Variants in LMNTD1 observed in about 807,000 individuals in gnomAD.
The protein encoded by LMNTD1 is lamin tail domain-containing protein 1.
LMNTD1 carries 35 observed loss-of-function variants against 50.9 expected under a neutral mutation model. The observed-to-expected ratio is 0.69, with a 90% CI of 0.53 to 0.91. The LOEUF (loss-of-function observed/expected upper bound fraction) is 0.91, where lower values mean the gene tolerates loss of function less well. Ranked by LOEUF, LMNTD1 falls within the 40% of genes least tolerant of loss-of-function variation. LMNTD1 has a pLI of 0.00. For synonymous variants in LMNTD1, 153 were observed against 161.9 expected (o/e 0.94, Z 0.42); for missense variants, 470 against 475.5 (o/e 0.99, Z 0.11).
At chr12:25,614,020 T>C (rs897363766) in intron 1 of LMNTD1, among the ~76,000 whole-genome samples, 6 of 149,574 alleles carry the variant, frequency 4.0e-5, no homozygotes, top group African/African-American at 1.5e-4. Flanking sequence ...AGGAAGAGAG[T>C]GGTTTCCAAA....
At chr12:25,595,573 C>T (rs1000752387) in intron 1 of LMNTD1, among the ~76,000 whole-genome samples, 6 of 152,030 alleles carry the variant, frequency 3.9e-5, no homozygotes, top group African/African-American at 1.4e-4. Flanking sequence ...TGGGATACAG[C>T]AAAGGCAGTG....
chr12:25,478,983 A>G (rs1280035378), intron 9 of LMNTD1, among the ~76,000 whole-genome samples: 2 of 152,064 alleles, frequency 1.3e-5, no homozygotes, highest in African/African-American at 4.8e-5. Flanking sequence ...ATTGACCTTA[A>G]TCACAGGGCA....
At chr12:25,633,045 A>C (rs1009913895) in intron 1 of LMNTD1, among the ~76,000 whole-genome samples, 2 of 46,106 alleles carry the variant, frequency 4.3e-5, no homozygotes, top group African/African-American at 8.0e-5. Flanking sequence ...AAAAAAAAAC[A>C]AACTTTAAAG....
intron 1 of LMNTD1, among the ~76,000 whole-genome samples, chr12:25,626,377 T>A (rs536459525): frequency 6.6e-6 from 1 of 152,166 alleles, no homozygotes; most frequent in Non-Finnish European, 1.5e-5. Flanking sequence ...TACATATATA[T>A]AATCCTTCAA....
intron 1 of LMNTD1, among the ~76,000 whole-genome samples, chr12:25,617,959 CGTT>C (rs1027949610): frequency 7.9e-5 from 12 of 152,144 alleles, no homozygotes; most frequent in African/African-American, 2.2e-4. Context: ...AGGTAGGTGT[CGTT>C]GTTGTCCCCA....
intron 1 of LMNTD1, among the ~76,000 whole-genome samples, chr12:25,565,341 T>C (rs1592029298): frequency 6.6e-6 from 1 of 152,144 alleles, no homozygotes; most frequent in East Asian, 1.9e-4. Flanking sequence ...TTTTTGTGTA[T>C]CCATTATCTG....
chr12:25,497,265 G>A (rs1939113248), intron 9 of LMNTD1, among the ~76,000 whole-genome samples: 1 of 152,106 alleles, frequency 6.6e-6, no homozygotes, highest in Non-Finnish European at 1.5e-5. Flanking sequence ...TTTGCAGCGA[G>A]GATGAGACCG....
At chr12:25,565,991 T>C (rs376269697) in intron 1 of LMNTD1, among the ~76,000 whole-genome samples, 3 of 152,322 alleles carry the variant, frequency 2.0e-5, no homozygotes, top group South Asian at 2.1e-4. Context: ...TTGTAGGTTA[T>C]TTCTTTTCTC....
chr12:25,496,575 G>A (rs1939076686), intron 9 of LMNTD1, among the ~76,000 whole-genome samples: 1 of 152,174 alleles, frequency 6.6e-6, no homozygotes, highest in African/African-American at 2.4e-5. Flanking sequence ...GTGTGGCCCA[G>A]CAACTAGAAA....
chr12:25,594,769 C>A (rs1222286507), intron 1 of LMNTD1, among the ~76,000 whole-genome samples: 4 of 151,016 alleles, frequency 2.6e-5, no homozygotes, highest in Non-Finnish European at 4.4e-5. Flanking sequence ...AAACGCTCCA[C>A]TTAAAAGACT....
chr12:25,498,537 G>GA, intron 9 of LMNTD1, among the ~76,000 whole-genome samples: 1 of 152,262 alleles, frequency 6.6e-6, no homozygotes, highest in South Asian at 2.1e-4. Context: ...TATGCTTTTG[G>GA]AAAATGCATC....
chr12:25,515,223 T>A (rs1332258348), intron 8 of LMNTD1, among the ~76,000 whole-genome samples: 1 of 151,974 alleles, frequency 6.6e-6, no homozygotes, highest in Admixed American at 6.6e-5. Flanking sequence ...TTAAAATATT[T>A]AAAAATTTTT....
chr12:25,530,821 G>A (rs1942174259), intron 4 of LMNTD1, among the ~76,000 whole-genome samples: 1 of 152,120 alleles, frequency 6.6e-6, no homozygotes, highest in Non-Finnish European at 1.5e-5. Context: ...TGGCAAAAAG[G>A]ACTTTGCAGA....
At chr12:25,646,692 G>A (rs756912161) in intron 1 of LMNTD1, among the ~76,000 whole-genome samples, 6 of 152,174 alleles carry the variant, frequency 3.9e-5, no homozygotes, top group Admixed American at 6.5e-5. Context: ...GGTCACCACC[G>A]ACTGAACAGG....
At chr12:25,567,614 T>C (rs1944607055) in intron 1 of LMNTD1, among the ~76,000 whole-genome samples, 1 of 152,152 alleles carries the variant, frequency 6.6e-6, no homozygotes, top group Non-Finnish European at 1.5e-5. Flanking sequence ...AGCATCCCCT[T>C]GGTGACAAGT....
At chr12:25,540,839 C>G in intron 4 of LMNTD1, among the ~76,000 whole-genome samples, 1 of 121,354 alleles carries the variant, frequency 8.2e-6, no homozygotes, top group East Asian at 2.6e-4. Context: ...ATTGTCTCAG[C>G]CCAAAATCTC....
At chr12:25,575,235 C>G (rs1944958005) in intron 1 of LMNTD1, among the ~76,000 whole-genome samples, 1 of 152,062 alleles carries the variant, frequency 6.6e-6, no homozygotes, top group Non-Finnish European at 1.5e-5. Flanking sequence ...ATTTCTCAAC[C>G]TTTGCAATGA....
At chr12:25,571,215 T>A (rs576744117) in intron 1 of LMNTD1, among the ~76,000 whole-genome samples, 1 of 152,326 alleles carries the variant, frequency 6.6e-6, no homozygotes, top group South Asian at 2.1e-4. Context: ...AATTTAGTTA[T>A]TTAGGAAATT....
intron 1 of LMNTD1, among the ~76,000 whole-genome samples, chr12:25,599,226 A>C (rs1945910487): frequency 6.6e-6 from 1 of 152,020 alleles, no homozygotes; most frequent in Non-Finnish European, 1.5e-5. Flanking sequence ...CATTTCAATG[A>C]TGCTCAAGAA....
Sources: allele counts gnomAD v4.1 joint callset (sites outside exome capture counted in the v4.1 genomes callset), GRCh38; gene constraint gnomAD v4.1.1; transcripts MANE v1.5; gene names NCBI Gene and HGNC (gene_info 2026-07-23, HGNC 2026-07-21).